The following SPG7 variants were observed in gnomAD, a reference collection of about 807,000 sequenced individuals.
The protein encoded by SPG7 is SPG7 matrix AAA peptidase subunit, paraplegin.
SPG7 carries 103 observed loss-of-function variants against 81.9 expected under a neutral mutation model. The ratio of observed to expected loss-of-function variants is 1.26; its 90% CI spans 1.07 to 1.48. SPG7 has a LOEUF of 1.48. Among genes scored for constraint, SPG7 ranks in the 40% most tolerant of loss-of-function variants. The probability of loss-of-function intolerance (pLI) is 0.00; values close to 1 mark genes in which losing one functional copy is unlikely to be tolerated. For missense variants in SPG7, 1,241 were observed against 1,087.3 expected (o/e 1.14, Z -1.99); for synonymous variants, 534 against 444.2 (o/e 1.20, Z -2.54).
At chr16:89,556,784 C>T in intron 16 of SPG7, 103 bp from the exon 17 acceptor site, 2 of 926,912 alleles carry the variant, frequency 2.2e-6, no homozygotes, top group Non-Finnish European at 3.6e-6. Flanking sequence ...TCCTGGGTGT[C>T]CTGCACACAG....
At position 89,552,984 on chromosome 16, in the gene SPG7, C is replaced by T. The variant is rs1474032804; in HGVS notation, c.1785C>T (p.Ser595=). Residue 595 remains serine (S), a synonymous_variant, in exon 14 of 17, where the codon TCC becomes TCT. Coordinates refer to ENST00000645818, the MANE Select transcript of SPG7 (RefSeq NM_003119.4). ...TCATCTTGACCTTGTGCCAGGTCTC[C>T]ATAACCCCTCGGACAAACGCCGCCC... ...LEHTEAVMKV[S]ITPRTNAALG... The T allele has an allele frequency of 1.9e-6, 3 of 1,613,820 alleles. No homozygotes were observed. Among genetic ancestry groups the T allele is most frequent in the East Asian group, 2.2e-5 (1 of 44,892 alleles).
At chr16:89,527,085 C>G (rs1370605156) in intron 5 of SPG7, 1 of 181,614 alleles carries the variant, frequency 5.5e-6, no homozygotes, top group Admixed American at 5.5e-5. Flanking sequence ...ATAATAATAC[C>G]CAATACCCTG....
At position 89,530,083 on chromosome 16, in the gene SPG7, C is replaced by T. The variant is rs1228331613; in HGVS notation, c.861+504C>T. 3 of 270,740 alleles carry T rather than the reference C, an allele frequency of 1.1e-5. No individual in the cohort carries two copies. The East Asian group carries it at 3.0e-4, about 27-fold the overall frequency. The allele number at this position is 270,740 out of a possible 1,614,324, so 16.8% of individuals were successfully genotyped here. A position where few individuals can be genotyped will look rare whatever the true frequency, so the allele number is the denominator to read the frequency against. ...CGAACTCCCGACCTCAGGTGATCCT[C>T]CCGCCTCAGCCTCCCAAAGTGCTGG... On this transcript the variant is annotated intron_variant, in intron 6 of 16. Coordinates refer to ENST00000645818, the MANE Select transcript of SPG7 (RefSeq NM_003119.4).
intron 3 of SPG7, chr16:89,522,511 T>A (rs1051912366): frequency 1.3e-5 from 2 of 151,566 alleles, no homozygotes; most frequent in Non-Finnish European, 2.9e-5. Flanking sequence ...TGGCGGTTTG[T>A]CCGCAGGCGC....
At chr16:89,531,124 G>A in intron 7 of SPG7, 1 of 460,042 alleles carries the variant, frequency 2.2e-6, no homozygotes, top group Non-Finnish European at 4.0e-6. Flanking sequence ...GCCAGTTGGT[G>A]GCAGTGCATG....
intron 3 of SPG7, chr16:89,522,859 A>C (rs904712431): frequency 6.6e-6 from 1 of 152,542 alleles, no homozygotes. Context: ...CCTTTTCCCC[A>C]CCATGCCCTC....
chr16:89,535,280 C>T (rs116649905), intron 9 of SPG7, among the ~76,000 whole-genome samples: 192 of 152,284 alleles, frequency 1.3e-3, no homozygotes, highest in African/African-American at 4.5e-3. Flanking sequence ...CCTGTGCTGG[C>T]GCCCGTCTCT....
chr16:89,513,037 G>GAGGAGAGGAGACGCC lies in SPG7; in HGVS notation c.376_376+1insAGGAGAGGAGACGCC (p.Arg130_Arg131insGlnGluArgArgArg). The GAGGAGAGGAGACGCC allele has an allele frequency of 6.2e-7, 1 of 1,604,564 alleles. No individual in the cohort carries two copies. The highest frequency in any genetic ancestry group is 1.3e-5 in the African/African-American group (1 of 74,802). On this transcript the variant is annotated inframe_insertion and splice_region_variant. Coordinates refer to ENST00000645818, the MANE Select transcript of SPG7 (RefSeq NM_003119.4). ...GGGGAAGGCGCCTGAAGAGGACGAA[G>GAGGAGAGGAGACGCC]GTATATTCATCTGATGTTCTTCAGT...
At position 89,548,122 on chromosome 16, in the gene SPG7, G is replaced by A. The variant is rs756489401; in HGVS notation, c.1663+9G>A. On this transcript the variant is annotated intron_variant, in intron 12 of 16. Coordinates refer to ENST00000645818, the MANE Select transcript of SPG7 (RefSeq NM_003119.4). ...GGAGCGCGTCCTCGCAGGTACAGGG[G>A]GCGCGCCCTGGGTGAAGGCCCTCCT... The A allele has an allele frequency of 1.4e-4, 229 of 1,586,900 alleles. No individual in the cohort carries two copies. Among genetic ancestry groups the A allele is most frequent in the Non-Finnish European group, 1.9e-4 (220 of 1,165,436 alleles).
At chr16:89,510,452 T>C in intron 1 of SPG7, 38 bp from the exon 2 acceptor site, 1 of 1,291,214 alleles carries the variant, frequency 7.7e-7, no homozygotes, top group Non-Finnish European at 1.1e-6. Context: ...TCTCTAATGT[T>C]GGTGTGACCT....
At chr16:89,540,838 A>T in intron 9 of SPG7, 2 of 938,540 alleles carry the variant, frequency 2.1e-6, no homozygotes, top group Non-Finnish European at 2.5e-6. Context: ...GGCTCACACG[A>T]AATGCCTGGG....
At chr16:89,515,325 G>A (rs2058081886) in intron 3 of SPG7, among the ~76,000 whole-genome samples, 1 of 150,856 alleles carries the variant, frequency 6.6e-6, no homozygotes, top group Admixed American at 6.6e-5. Flanking sequence ...CTGGAGTCCA[G>A]TGGTGCGATG....
At chr16:89,537,395 A>G in intron 9 of SPG7, 1 of 1,076,910 alleles carries the variant, frequency 9.3e-7, no homozygotes, top group Non-Finnish European at 1.1e-6. Context: ...GGCGCTGACC[A>G]CACGCGGGAG....
intron 2 of SPG7, among the ~76,000 whole-genome samples, chr16:89,511,649 C>T (rs55653896): frequency 0.44 from 66,467 of 152,044 alleles, 14,680 homozygotes; most frequent in Middle Eastern, 0.6. Context: ...GCAACCGGGG[C>T]CGTTTCACTG....
intron 3 of SPG7, chr16:89,523,272 C>T (rs1170695581): frequency 4.5e-6 from 1 of 221,702 alleles, no homozygotes; most frequent in Non-Finnish European, 9.2e-6. Flanking sequence ...TTTTTAAGTT[C>T]TATTTTCAGA....
chr16:89,556,288 G>A (rs2058686912), intron 16 of SPG7: 1 of 395,866 alleles, frequency 2.5e-6, no homozygotes, highest in Non-Finnish European at 4.4e-6. Context: ...GGAAGAGTGA[G>A]GAAAGGAGCA....
At chr16:89,513,177 C>G in intron 3 of SPG7, 140 bp downstream of exon 3, 1 of 1,233,404 alleles carries the variant, frequency 8.1e-7, no homozygotes, top group African/African-American at 1.5e-5. Context: ...AATCGAAACG[C>G]TTTGGGAGGC....
intron 9 of SPG7, chr16:89,536,631 G>C: frequency 1.9e-6 from 2 of 1,055,850 alleles, no homozygotes; most frequent in Non-Finnish European, 2.8e-6. Context: ...GTGAGGGCGG[G>C]TGAGGCGGGC....
intron 12 of SPG7, chr16:89,548,682 C>T (rs183907734): frequency 2.1e-5 from 7 of 338,774 alleles, no homozygotes; most frequent in East Asian, 7.9e-5. Flanking sequence ...ACTGCCGTTC[C>T]GTGGCTGCTC....
Sources: gnomAD v4.1 joint callset for allele counts (sites outside exome capture counted in the v4.1 genomes callset) on GRCh38, gnomAD v4.1.1 for gene constraint, MANE v1.5 for transcripts, NCBI Gene and HGNC (gene_info 2026-07-23, HGNC 2026-07-21) for gene names.